The following INTS8 variants were observed in gnomAD, a reference collection of about 807,000 sequenced individuals.
INTS8 encodes the protein integrator complex subunit 8, also known as protein kaonashi-1.
In INTS8, 47 loss-of-function variants were observed where a neutral mutation model predicts 138.9. The observed-to-expected ratio is 0.34, with a 90% CI of 0.27 to 0.43. The LOEUF is 0.43. Among genes scored for constraint, INTS8 ranks in the 20% least tolerant of loss-of-function variants. The pLI is 1.00. For synonymous variants in INTS8, 392 were observed against 400.9 expected, an observed-to-expected ratio of 0.98 and a Z score of 0.27; for missense variants, 996 against 1,173.0, an observed-to-expected ratio of 0.85 and a Z score of 2.20.
At chr8:94,839,547 C>G (rs999420853) in intron 8 of INTS8, among the ~76,000 whole-genome samples, 1 of 152,142 alleles carries the variant, frequency 6.6e-6, no homozygotes, top group African/African-American at 2.4e-5. Context: ...AGAGAGGAAA[C>G]AAGATGGCAC....
chr8:94,836,516 T>A lies in INTS8; in HGVS notation c.754-8T>A, dbSNP rs1485174301. The A allele has an allele frequency of 1.2e-6, 2 of 1,607,792 alleles. No homozygotes were observed. Among genetic ancestry groups the A allele is most frequent in the South Asian group, 2.2e-5 (2 of 90,460 alleles). The stretch of plus-strand genomic sequence containing the variant: ...TGTTAAGCAAATTGGTGTTCATTAT[T>A]ATTTCAGGTGTGCTATGATTTGGGC... On this transcript the variant is annotated splice_region_variant and splice_polypyrimidine_tract_variant and intron_variant, in intron 6 of 26. Transcript: ENST00000523731.
intron 15 of INTS8, among the ~76,000 whole-genome samples, chr8:94,858,677 G>A (rs1413805823): frequency 3.9e-5 from 6 of 152,170 alleles, no homozygotes; most frequent in Non-Finnish European, 7.3e-5. Flanking sequence ...CTAAGAAACC[G>A]AGGTGCAGAG....
At chr8:94,838,644 G>A in intron 8 of INTS8, 26 bp downstream of exon 8, 1 of 1,577,668 alleles carries the variant, frequency 6.3e-7, no homozygotes, top group Non-Finnish European at 8.7e-7. Flanking sequence ...GGGATGCAGT[G>A]AAGTTTTGGA....
At chr8:94,827,486 AC>A in intron 3 of INTS8, 83 bp downstream of exon 3, 1 of 1,465,320 alleles carries the variant, frequency 6.8e-7, no homozygotes, top group Non-Finnish European at 9.5e-7. Context: ...CTTTTAATGG[AC>A]CCATTCTGCT....
chr8:94,873,449 C>T lies in INTS8; in HGVS notation c.2609C>T (p.Ala870Val), dbSNP rs1442137902. Residue 870 changes from alanine to valine, a missense_variant, in exon 22 of 27, where the codon GCT (alanine) becomes GTT (valine). By Grantham distance (64) the Ala-to-Val change is moderately conservative (BLOSUM62 0). Transcript: ENST00000523731. ...GTGTGTTCTGACTTCTTTAACAAGGCTGTGCCCCCTGATGTTTATACAGAC... is the reference window on the plus strand; with the variant it reads ...GTGTGTTCTGACTTCTTTAACAAGGTTGTGCCCCCTGATGTTTATACAGAC... ...GAVCSDFFNK[A>V]VPPDVYTDQV... 6.2e-7 allele frequency: 1 copy of T among 1,613,242 alleles called. No individual in the cohort carries two copies. The highest frequency in any genetic ancestry group is 1.1e-5 in the South Asian group (1 of 91,072).
At chr8:94,824,159 TGGG>T (rs1814393384) in intron 1 of INTS8, among the ~76,000 whole-genome samples, 1 of 152,136 alleles carries the variant, frequency 6.6e-6, no homozygotes, top group South Asian at 2.1e-4. Context: ...GTGTGATTGA[TGGG>T]GGAGGAGGAA....
chr8:94,847,669 TC>T (rs1257655533), intron 10 of INTS8, among the ~76,000 whole-genome samples: 3 of 152,164 alleles, frequency 2.0e-5, no homozygotes, highest in Non-Finnish European at 4.4e-5. Context: ...TATTAAAGCA[TC>T]TACAGAGATG....
intron 5 of INTS8, among the ~76,000 whole-genome samples, chr8:94,830,918 C>T (rs1814690147): frequency 6.6e-6 from 1 of 152,076 alleles, no homozygotes; most frequent in Non-Finnish European, 1.5e-5. Flanking sequence ...CTGCCTCAGT[C>T]TCCCAGGTAG....
intron 1 of INTS8, 46 bp from the exon 2 acceptor site, chr8:94,824,847 A>G (rs1287924056): frequency 1.5e-5 from 17 of 1,112,742 alleles, no homozygotes; most frequent in African/African-American, 5.5e-5. Flanking sequence ...TTGTATCTAC[A>G]TAATTAAAAC....
intron 3 of INTS8, 97 bp from the exon 4 acceptor site, chr8:94,827,625 C>A: frequency 1.8e-6 from 2 of 1,107,314 alleles, no homozygotes; most frequent in Non-Finnish European, 2.7e-6. Context: ...TCAATTAATG[C>A]TTCATATAAT....
At chr8:94,845,548 C>T (rs552036905) in intron 10 of INTS8, among the ~76,000 whole-genome samples, 7 of 152,182 alleles carry the variant, frequency 4.6e-5, no homozygotes, top group African/African-American at 7.2e-5. Flanking sequence ...CTGCAACCTC[C>T]GCCTCCCGCG....
chr8:94,832,868 G>A (rs1358164629), intron 6 of INTS8, among the ~76,000 whole-genome samples: 3 of 151,896 alleles, frequency 2.0e-5, no homozygotes, highest in Non-Finnish European at 2.9e-5. Context: ...GTTGGCCAGC[G>A]TGGTCTAGAT....
At chr8:94,843,746 G>C (rs561110665) in intron 10 of INTS8, among the ~76,000 whole-genome samples, 3 of 152,016 alleles carry the variant, frequency 2.0e-5, no homozygotes, top group Non-Finnish European at 4.4e-5. Context: ...GTGTGCATAC[G>C]TACCAGTTTA....
At chr8:94,860,603 A>C (rs1175104789) in intron 16 of INTS8, among the ~76,000 whole-genome samples, 13 of 150,464 alleles carry the variant, frequency 8.6e-5, no homozygotes, top group African/African-American at 2.4e-4. Flanking sequence ...AAAAAAAAAA[A>C]ACCCAAAAAA....
intron 15 of INTS8, 71 bp downstream of exon 15, chr8:94,857,049 C>A: frequency 5.5e-6 from 6 of 1,089,134 alleles, no homozygotes; most frequent in East Asian, 2.5e-5. Context: ...AATTTAAAAG[C>A]AGATTTATTT....
chr8:94,861,321 G>A (rs1342116550), intron 16 of INTS8, among the ~76,000 whole-genome samples: 1 of 119,754 alleles, frequency 8.4e-6, no homozygotes, highest in Non-Finnish European at 1.6e-5. Flanking sequence ...GAGTGCAGTG[G>A]CGCGATCTCG....
chr8:94,838,359 T>A lies in INTS8; in HGVS notation c.862-104T>A. On this transcript the variant is annotated intron_variant, in intron 7 of 26. Transcript: ENST00000523731. ...ACCGCTGTGCCCAGCCCGGCTTGAA[T>A]TTTTCGTTAGCATTTCCTTGTACTG... The A allele has an allele frequency of 9.0e-6, 9 of 995,414 alleles. 2 individuals are homozygous for A. The South Asian group carries it at 1.2e-4, about 14-fold the overall frequency. 61.7% of individuals were successfully genotyped at this position (995,414 alleles called of 1,614,324 possible). A position where few individuals can be genotyped will look rare whatever the true frequency, so the allele number is the denominator to read the frequency against.
At chr8:94,846,867 C>T (rs577491476) in intron 10 of INTS8, among the ~76,000 whole-genome samples, 88 of 152,206 alleles carry the variant, frequency 5.8e-4, no homozygotes, top group Non-Finnish European at 1.2e-3. Context: ...AATTTCTCTC[C>T]TTACCTGTTC....
At chr8:94,878,143 T>G (rs529067919) in intron 26 of INTS8, among the ~76,000 whole-genome samples, 1 of 152,294 alleles carries the variant, frequency 6.6e-6, no homozygotes, top group African/African-American at 2.4e-5. Flanking sequence ...GTGTTTTATT[T>G]TCTTGGGCCA....
Sources: gnomAD v4.1 joint callset for allele counts (sites outside exome capture counted in the v4.1 genomes callset) on GRCh38, gnomAD v4.1.1 for gene constraint, MANE v1.5 for transcripts, NCBI Gene and HGNC (gene_info 2026-07-23, HGNC 2026-07-21) for gene names.